Variants in NBAS observed in about 807,000 individuals in gnomAD.
The protein encoded by NBAS is NAG/BC035112 fusion.
NBAS carries 219 observed loss-of-function variants against 302.5 expected under a neutral mutation model. The ratio of observed to expected loss-of-function variants is 0.72; its 90% confidence interval spans 0.65 to 0.81. The LOEUF is 0.81. NBAS is among the 30% of genes least tolerant of loss of function. The pLI is 0.00. For synonymous variants in NBAS, 1,118 were observed against 1,021.6 expected, an observed-to-expected ratio of 1.09 and a Z score of -1.80; for missense variants, 2,932 against 2,841.6, an observed-to-expected ratio of 1.03 and a Z score of -0.72.
the NBAS span, among the ~76,000 whole-genome samples, chr2:14,874,308 G>T: frequency 1.3e-5 from 2 of 152,060 alleles, no homozygotes; most frequent in African/African-American, 4.8e-5. Context: ...TATGAGGCCT[G>T]CACTGCCCTG....
intron 40 of NBAS, among the ~76,000 whole-genome samples, chr2:15,298,072 T>G (rs1185752773): frequency 6.6e-6 from 1 of 152,172 alleles, no homozygotes; most frequent in Non-Finnish European, 1.5e-5. Context: ...TGGGCACGGA[T>G]GCTTGTGCCT....
At chr2:14,864,030 C>A in the NBAS span, among the ~76,000 whole-genome samples, 1 of 152,024 alleles carries the variant, frequency 6.6e-6, no homozygotes, top group African/African-American at 2.4e-5. Flanking sequence ...TACTAAGTAA[C>A]AGAGTTGGCC....
the NBAS span, among the ~76,000 whole-genome samples, chr2:14,986,327 C>T: frequency 2.0e-5 from 3 of 151,982 alleles, no homozygotes; most frequent in African/African-American, 7.3e-5. Context: ...TATAGAGTAG[C>T]CCATTAAATC....
At chr2:15,005,640 T>C in the NBAS span, among the ~76,000 whole-genome samples, 5 of 152,344 alleles carry the variant, frequency 3.3e-5, no homozygotes, top group South Asian at 8.3e-4. Context: ...AGAGTTCCAG[T>C]GGCATTTCTT....
At chr2:14,948,604 T>C in the NBAS span, among the ~76,000 whole-genome samples, 2 of 151,910 alleles carry the variant, frequency 1.3e-5, no homozygotes, top group Non-Finnish European at 2.9e-5. Context: ...ATTAAAAAAA[T>C]TGAAAAGATA....
At position 15,320,958 on chromosome 2, in the gene NBAS, C is replaced by G. The variant is rs149998536; in HGVS notation, c.4582+6792G>C. ...CCAAGTCAATCCTAAGCCAAAAGAACAAAGCTGGAAGCATTACGTTACCTG... is the reference window on the plus strand; with the variant it reads ...CCAAGTCAATCCTAAGCCAAAAGAAGAAAGCTGGAAGCATTACGTTACCTG... On this transcript the variant is annotated intron_variant, in intron 38 of 51. Coordinates refer to ENST00000281513, the MANE Select transcript of NBAS (RefSeq NM_015909.4). Among the ~76,000 whole-genome samples, 372 of 152,274 alleles carry G rather than the reference C, an allele frequency of 2.4e-3. 2 individuals carry two copies. Among genetic ancestry groups the G allele is most frequent in the African/African-American group, 8.4e-3 (351 of 41,548 alleles).
At chr2:15,422,675 C>T (rs1021965798) in intron 23 of NBAS, among the ~76,000 whole-genome samples, 1 of 152,092 alleles carries the variant, frequency 6.6e-6, no homozygotes, top group African/African-American at 2.4e-5. Flanking sequence ...ATTGAGGAAT[C>T]ATTAATGATC....
At chr2:15,475,527 C>T (rs565825212) in intron 14 of NBAS, among the ~76,000 whole-genome samples, 160 bp downstream of exon 14, 2 of 152,132 alleles carry the variant, frequency 1.3e-5, no homozygotes, top group African/African-American at 4.8e-5. Context: ...TTTTTTTATT[C>T]ACTAAAAAAT....
At chr2:15,465,055 G>A (rs1679664135) in intron 19 of NBAS, among the ~76,000 whole-genome samples, 1 of 152,188 alleles carries the variant, frequency 6.6e-6, no homozygotes, top group South Asian at 2.1e-4. Context: ...GAAGATGATA[G>A]TACCCATCTC....
At chr2:15,314,737 C>T (rs1218501344) in intron 38 of NBAS, among the ~76,000 whole-genome samples, 2 of 152,128 alleles carry the variant, frequency 1.3e-5, no homozygotes, top group African/African-American at 2.4e-5. Context: ...GAGTTCACAG[C>T]AGCTTTTTAA....
chr2:14,832,267 T>A, the NBAS span, among the ~76,000 whole-genome samples: 6 of 152,178 alleles, frequency 3.9e-5, no homozygotes, highest in African/African-American at 1.4e-4. Context: ...CAGACCCCTA[T>A]GTATGTTTGC....
intron 31 of NBAS, among the ~76,000 whole-genome samples, chr2:15,372,904 G>A (rs757659129): frequency 8.5e-5 from 13 of 152,078 alleles, no homozygotes; most frequent in Non-Finnish European, 1.0e-4. Context: ...TGGACTGTAA[G>A]AAAATGTTTT....
chr2:14,961,161 G>A, the NBAS span, among the ~76,000 whole-genome samples: 1 of 152,154 alleles, frequency 6.6e-6, no homozygotes, highest in Non-Finnish European at 1.5e-5. Context: ...AACTGAAGAG[G>A]AGAATAAAAA....
intron 1 of NBAS, 45 bp downstream of exon 1, chr2:15,561,143 G>A (rs1487556259): frequency 4.6e-6 from 7 of 1,531,666 alleles, no homozygotes; most frequent in Admixed American, 3.4e-5. Context: ...TACCCACGAA[G>A]CGCCCGCGCC....
chr2:15,482,271 T>G (rs1680460590), intron 12 of NBAS, among the ~76,000 whole-genome samples: 1 of 151,914 alleles, frequency 6.6e-6, no homozygotes, highest in Admixed American at 6.6e-5. Flanking sequence ...GCTGGGAATA[T>G]GGGCACACGC....
At chr2:14,985,411 G>A in the NBAS span, among the ~76,000 whole-genome samples, 1 of 152,176 alleles carries the variant, frequency 6.6e-6, no homozygotes, top group African/African-American at 2.4e-5. Flanking sequence ...GAAAACTAGA[G>A]AACTGGAAAC....
At chr2:15,536,837 A>G (rs1280126418) in intron 7 of NBAS, among the ~76,000 whole-genome samples, 2 of 149,136 alleles carry the variant, frequency 1.3e-5, no homozygotes, top group East Asian at 1.9e-4. Flanking sequence ...TCAATTGCAG[A>G]AAAAAAACAA....
At chr2:15,152,662 G>T in the NBAS span, among the ~76,000 whole-genome samples, 2 of 152,216 alleles carry the variant, frequency 1.3e-5, no homozygotes, top group African/African-American at 4.8e-5. Flanking sequence ...AGAGTGCTAT[G>T]CTGTTCATGA....
chr2:15,539,734 T>A lies in NBAS; in HGVS notation c.380-378A>T, dbSNP rs181349935. Among the ~76,000 whole-genome samples the A allele has an allele frequency of 4.8e-4, 73 of 152,214 alleles. 1 individual carries two copies. Among genetic ancestry groups the A allele is most frequent in the Admixed American group, 1.2e-3 (18 of 15,280 alleles). ...ATAATTCTAATCCAATGAGTTCCACTCCTCTAAAAGCAAAAAATAAAAATT... is the reference window on the plus strand; with the variant it reads ...ATAATTCTAATCCAATGAGTTCCACACCTCTAAAAGCAAAAAATAAAAATT... On this transcript the variant is annotated intron_variant, in intron 6 of 51. Coordinates refer to ENST00000281513, the MANE Select transcript of NBAS (RefSeq NM_015909.4).
Sources: gnomAD v4.1 joint callset for allele counts (sites outside exome capture counted in the v4.1 genomes callset) on GRCh38, gnomAD v4.1.1 for gene constraint, MANE v1.5 for transcripts, NCBI Gene and HGNC (gene_info 2026-07-23, HGNC 2026-07-21) for gene names.